Variants in CCDC91 observed in about 807,000 individuals in gnomAD.
The protein encoded by CCDC91 is coiled-coil domain-containing protein 91.
CCDC91 carries 48 observed loss-of-function variants against 63.2 expected under a neutral mutation model. The ratio of observed to expected loss-of-function variants is 0.76; its 90% CI spans 0.60 to 0.97. CCDC91 has a LOEUF of 0.97. CCDC91 is among the 50% of genes least tolerant of loss of function. The probability of loss-of-function intolerance (pLI) is 0.00; values close to 1 mark genes in which losing one functional copy is unlikely to be tolerated. For missense variants in CCDC91, 500 were observed against 494.6 expected (o/e 1.01, Z -0.10); for synonymous variants, 167 against 165.8 (o/e 1.01, Z -0.06).
At chr12:28,250,618 GTAATTTT>G (rs1946057754) in intron 1 of CCDC91, among the ~76,000 whole-genome samples, 1 of 152,040 alleles carries the variant, frequency 6.6e-6, no homozygotes, top group African/African-American at 2.4e-5. Context: ...AAGATCCACT[GTAATTTT>G]CTTGGAAAAG....
intron 3 of CCDC91, among the ~76,000 whole-genome samples, chr12:28,291,274 G>A (rs1334223458): frequency 3.9e-5 from 6 of 152,138 alleles, no homozygotes; most frequent in Non-Finnish European, 7.4e-5. Flanking sequence ...TTGAAAAAGC[G>A]GTAGTTGGTT....
At chr12:28,221,452 T>G (rs1341921575) in intron 1 of CCDC91, among the ~76,000 whole-genome samples, 2 of 152,234 alleles carry the variant, frequency 1.3e-5, no homozygotes, top group Admixed American at 1.3e-4. Context: ...CTTTATTAGA[T>G]CTCAGGCATT....
intron 8 of CCDC91, among the ~76,000 whole-genome samples, chr12:28,439,337 C>T (rs1038580025): frequency 6.6e-6 from 1 of 151,940 alleles, no homozygotes; most frequent in Non-Finnish European, 1.5e-5. Context: ...GTGAAATGTC[C>T]GTGAATCATT....
intron 6 of CCDC91, among the ~76,000 whole-genome samples, chr12:28,309,134 C>T (rs73263478): frequency 1.2e-4 from 18 of 152,032 alleles, no homozygotes; most frequent in African/African-American, 4.3e-4. Flanking sequence ...TGCTGTTCCT[C>T]CTGTAGATAA....
intron 12 of CCDC91, among the ~76,000 whole-genome samples, chr12:28,507,570 C>CT (rs1418207733): frequency 6.6e-6 from 1 of 151,968 alleles, no homozygotes; most frequent in Non-Finnish European, 1.5e-5. Context: ...TCTTTTCTTC[C>CT]TTTCCTCCCT....
At chr12:28,415,927 A>G (rs1947628622) in intron 8 of CCDC91, among the ~76,000 whole-genome samples, 2 of 151,790 alleles carry the variant, frequency 1.3e-5, no homozygotes, top group Admixed American at 1.3e-4. Flanking sequence ...ATTCAAATGT[A>G]ATTGTCAGGC....
intron 3 of CCDC91, among the ~76,000 whole-genome samples, chr12:28,297,337 G>A (rs1479019507): frequency 6.6e-6 from 1 of 151,800 alleles, no homozygotes; most frequent in African/African-American, 2.4e-5. Context: ...GTGCTCCTTC[G>A]CCTGTGTCAT....
At chr12:28,321,458 A>T (rs1940491709) in intron 6 of CCDC91, among the ~76,000 whole-genome samples, 1 of 151,890 alleles carries the variant, frequency 6.6e-6, no homozygotes, top group African/African-American at 2.4e-5. Flanking sequence ...ACTGCTATGG[A>T]TTGAATGGTT....
rs200238738 is a variant in CCDC91, at chr12:28,306,903, T to G, written c.429T>G (p.Ile143Met). The change falls in exon 5 of 13, where the codon ATT (isoleucine) becomes ATG (methionine). Residue 143 changes from isoleucine to methionine, a missense_variant. Coordinates refer to ENST00000536442, the MANE Select transcript of CCDC91 (RefSeq NM_018318.5). Reference protein sequence around the residue: ...QLQQKISSLEIKLKVSEEEKQ... With the variant: ...QLQQKISSLEMKLKVSEEEKQ... Reference sequence around the variant, plus strand: ...AGCAAAAAATTTCAAGTCTGGAGATTAAACTCAAAGTATCTGAAGAAGAAA... The same window carrying G: ...AGCAAAAAATTTCAAGTCTGGAGATGAAACTCAAAGTATCTGAAGAAGAAA... The G allele has an allele frequency of 6.2e-7, 1 of 1,611,564 alleles. No individual in the cohort carries two copies. The highest frequency in any genetic ancestry group is 1.3e-5 in the African/African-American group (1 of 74,920).
intron 1 of CCDC91, among the ~76,000 whole-genome samples, chr12:28,220,114 C>T (rs546778633): frequency 2.0e-5 from 3 of 152,174 alleles, no homozygotes; most frequent in African/African-American, 7.2e-5. Flanking sequence ...ATTATCATTA[C>T]ATGGTTGAGT....
At chr12:28,293,357 T>C (rs546288504) in intron 3 of CCDC91, among the ~76,000 whole-genome samples, 1 of 152,316 alleles carries the variant, frequency 6.6e-6, no homozygotes, top group South Asian at 2.1e-4. Context: ...TTTGCTAATA[T>C]TCACATACTG....
intron 7 of CCDC91, among the ~76,000 whole-genome samples, chr12:28,375,370 G>A (rs1944882024): frequency 6.6e-6 from 1 of 151,802 alleles, no homozygotes; most frequent in Non-Finnish European, 1.5e-5. Context: ...TTAGTTGGTT[G>A]TCTTCGTATA....
chr12:28,241,531 G>T (rs1945333917), intron 1 of CCDC91, among the ~76,000 whole-genome samples: 1 of 152,028 alleles, frequency 6.6e-6, no homozygotes, highest in Non-Finnish European at 1.5e-5. Flanking sequence ...ACTCTCTCAG[G>T]TAATCTAATC....
chr12:28,318,792 G>A (rs1383690933), intron 6 of CCDC91, among the ~76,000 whole-genome samples: 1 of 151,976 alleles, frequency 6.6e-6, no homozygotes, highest in African/African-American at 2.4e-5. Context: ...CAGTTTTGAA[G>A]TCATTGGGAG....
At chr12:28,475,889 A>C (rs1351422897) in intron 11 of CCDC91, among the ~76,000 whole-genome samples, 1 of 152,038 alleles carries the variant, frequency 6.6e-6, no homozygotes, top group African/African-American at 2.4e-5. Flanking sequence ...ATATCTATTT[A>C]GTAATACCTA....
chr12:28,190,766 G>A (rs1014268072), intron 1 of CCDC91, 125 bp downstream of exon 1: 2 of 152,276 alleles, frequency 1.3e-5, no homozygotes, highest in Non-Finnish European at 2.9e-5. Flanking sequence ...GCCTGCTGCG[G>A]CCTCGCCCTT....
chr12:28,221,216 A>C (rs1943921658), intron 1 of CCDC91, among the ~76,000 whole-genome samples: 1 of 151,604 alleles, frequency 6.6e-6, no homozygotes, highest in African/African-American at 2.4e-5. Flanking sequence ...TTTTGTTTCA[A>C]AGTTCTCCTC....
intron 12 of CCDC91, among the ~76,000 whole-genome samples, chr12:28,502,117 C>A (rs894884867): frequency 1.3e-5 from 2 of 151,786 alleles, no homozygotes; most frequent in Non-Finnish European, 2.9e-5. Flanking sequence ...ATTAGTCTTG[C>A]TAGCGGTCTA....
chr12:28,365,055 T>A (rs1217841742), intron 7 of CCDC91, among the ~76,000 whole-genome samples: 2 of 152,198 alleles, frequency 1.3e-5, no homozygotes, highest in Non-Finnish European at 2.9e-5. Context: ...TTATATCCTT[T>A]GACTATAAAC....
Sources: gnomAD v4.1 joint callset for allele counts (sites outside exome capture counted in the v4.1 genomes callset) on GRCh38, gnomAD v4.1.1 for gene constraint, MANE v1.5 for transcripts, NCBI Gene and HGNC (gene_info 2026-07-23, HGNC 2026-07-21) for gene names.